The following COL28A1 variants were observed in gnomAD, a reference collection of about 807,000 sequenced individuals.
COL28A1 encodes collagen alpha-1(XXVIII) chain.
Under a neutral mutation model 150.2 loss-of-function variants are expected in COL28A1, and 161 were observed. That is an observed-to-expected ratio of 1.07 (90% CI 0.94 to 1.22). The LOEUF (loss-of-function observed/expected upper bound fraction) is 1.22. Ranked by LOEUF, COL28A1 falls within the 50% of genes most tolerant of loss-of-function variation. The pLI is 0.00. For missense variants in COL28A1, 1,617 were observed against 1,388.3 expected (o/e 1.16, Z -2.62); for synonymous variants, 552 against 469.7 (o/e 1.18, Z -2.26).
intron 18 of COL28A1, among the ~76,000 whole-genome samples, chr7:7,451,515 C>T (rs558664414): frequency 7.2e-5 from 11 of 152,126 alleles, no homozygotes; most frequent in African/African-American, 2.2e-4. Context: ...TGAGCCACTA[C>T]GCCCAGCAGA....
At chr7:7,489,219 G>A (rs558632718) in intron 13 of COL28A1, among the ~76,000 whole-genome samples, 170 bp downstream of exon 13, 3 of 152,284 alleles carry the variant, frequency 2.0e-5, no homozygotes, top group South Asian at 2.1e-4. Flanking sequence ...GCAGTGAGCC[G>A]AGATCATGCC....
intron 13 of COL28A1, among the ~76,000 whole-genome samples, chr7:7,484,398 T>C (rs1779512270): frequency 6.6e-6 from 1 of 151,982 alleles, no homozygotes; most frequent in Non-Finnish European, 1.5e-5. Context: ...ATATTTTTAC[T>C]GAAAACATCT....
rs1052341722 is a variant in COL28A1 at position 7,443,173 on chromosome 7, T to C, written c.1650+412A>G. ...TGTTATTCAACTAGCATTTCTACAG[T>C]GGTTAAAATAGATTTATGCCAAGTT... On this transcript the variant is annotated intron_variant, in intron 20 of 34. Transcript: ENST00000399429. Among the ~76,000 whole-genome samples the C allele has an allele frequency of 2.0e-5, 3 of 152,214 alleles. 1 individual carries two copies. Among genetic ancestry groups the C allele is most frequent in the Non-Finnish European group, 4.4e-5 (3 of 68,032 alleles).
chr7:7,344,016 TA>T, the COL28A1 span, among the ~76,000 whole-genome samples: 16,463 of 146,204 alleles, frequency 0.11, 961 homozygotes, highest in Middle Eastern at 0.17. Context: ...AAAATAAAAA[TA>T]AAAAAAAAAA....
Position 7,461,051 on chromosome 7 carries a change from T to G in COL28A1, c.1303-4939A>C, listed in dbSNP as rs142766099. On this transcript the variant is annotated intron_variant, in intron 15 of 34. Transcript: ENST00000399429. The stretch of plus-strand genomic sequence containing the variant: ...CTTGCTGAAGGGAATGGATTGCTCC[T>G]GCAGGACCTGGGAGACATCCCAAAT... Among the ~76,000 whole-genome samples, 293 of 152,324 alleles carry G rather than the reference T, an allele frequency of 1.9e-3. 2 individuals are homozygous for G. Among genetic ancestry groups the G allele is most frequent in the African/African-American group, 6.6e-3 (276 of 41,574 alleles).
intron 3 of COL28A1, among the ~76,000 whole-genome samples, chr7:7,530,705 A>G (rs577435126): frequency 2.0e-5 from 3 of 152,270 alleles, no homozygotes; most frequent in African/African-American, 7.2e-5. Context: ...AGAAAAGCTG[A>G]CCAGACCTAT....
intron 1 of COL28A1, among the ~76,000 whole-genome samples, chr7:7,535,371 A>G (rs80081064): frequency 0.02 from 3,079 of 152,268 alleles, 49 homozygotes; most frequent in Non-Finnish European, 0.031. Context: ...GTTTCTACAC[A>G]AATAGAAAAT....
intron 27 of COL28A1, among the ~76,000 whole-genome samples, chr7:7,390,579 C>T (rs772699194): frequency 3.9e-5 from 6 of 152,140 alleles, no homozygotes; most frequent in African/African-American, 1.2e-4. Flanking sequence ...ACCAGCTCCT[C>T]TTTGTACCTC....
intron 13 of COL28A1, among the ~76,000 whole-genome samples, chr7:7,489,152 T>C (rs182183898): frequency 1.3e-4 from 20 of 152,220 alleles, no homozygotes; most frequent in Admixed American, 8.5e-4. Context: ...GCACTTGTAG[T>C]CCCAGCTAAT....
intron 15 of COL28A1, among the ~76,000 whole-genome samples, chr7:7,472,876 A>G (rs1788550097): frequency 6.6e-6 from 1 of 152,214 alleles, no homozygotes; most frequent in Admixed American, 6.5e-5. Context: ...CATCATACTT[A>G]CAGCCAACTG....
intron 15 of COL28A1, among the ~76,000 whole-genome samples, chr7:7,472,489 G>A (rs926827072): frequency 5.3e-5 from 8 of 151,924 alleles, no homozygotes; most frequent in African/African-American, 1.9e-4. Flanking sequence ...CCTCTACAGG[G>A]AAAACTACAA....
rs1291753330 is a variant in COL28A1 at position 7,531,653 on chromosome 7, A to C, written c.376T>G (p.Leu126Val). 1.1e-5 allele frequency: 17 copies of C among 1,601,052 alleles called. No homozygotes were observed. Among genetic ancestry groups the C allele is most frequent in the Non-Finnish European group, 1.5e-5 (17 of 1,168,224 alleles). ...TFKQKVKSMNLIGQGTFSYYA... is the reference protein window; with the variant it reads ...TFKQKVKSMNVIGQGTFSYYA... ...TAAGAGAAGGTACCTTGCCCTATTA[A>C]ATTCATAGACTTGACCTTCTGCTTA... Residue 126 changes from leucine (L) to valine (V), a missense_variant, in exon 3 of 35, where the codon TTA becomes GTA. By Grantham distance (32) the Leu-to-Val change is conservative. Transcript: ENST00000399429.
intron 11 of COL28A1, among the ~76,000 whole-genome samples, chr7:7,496,920 G>T (rs1404724051): frequency 6.6e-6 from 1 of 152,082 alleles, no homozygotes; most frequent in Non-Finnish European, 1.5e-5. Context: ...TGTAGGTGCA[G>T]AATGGTTCAA....
intron 27 of COL28A1, among the ~76,000 whole-genome samples, chr7:7,416,725 T>C (rs1324001882): frequency 6.6e-6 from 1 of 152,226 alleles, no homozygotes; most frequent in Non-Finnish European, 1.5e-5. Flanking sequence ...AGACCTGCTG[T>C]AGAAGCTCTA....
At chr7:7,387,226 C>A (rs1309001407) in intron 27 of COL28A1, among the ~76,000 whole-genome samples, 2 of 152,072 alleles carry the variant, frequency 1.3e-5, no homozygotes, top group Non-Finnish European at 2.9e-5. Flanking sequence ...TTTAGAGATG[C>A]CCTACTATTT....
the COL28A1 span, among the ~76,000 whole-genome samples, chr7:7,349,897 GA>G: frequency 1.3e-5 from 2 of 152,076 alleles, no homozygotes; most frequent in Admixed American, 1.3e-4. Flanking sequence ...ATTCCAAAGG[GA>G]AATGAATAGT....
intron 27 of COL28A1, among the ~76,000 whole-genome samples, chr7:7,401,076 T>A (rs995928108): frequency 1.3e-5 from 2 of 149,696 alleles, no homozygotes; most frequent in Non-Finnish European, 3.0e-5. Flanking sequence ...AATCTAATGA[T>A]CATGTTTCAG....
upstream of COL28A1, among the ~76,000 whole-genome samples, chr7:7,536,419 G>A (rs191046863): frequency 2.6e-5 from 4 of 152,234 alleles, no homozygotes; most frequent in African/African-American, 9.6e-5. Flanking sequence ...CCCCACTTAT[G>A]AAATGAGAGA....
intron 32 of COL28A1, among the ~76,000 whole-genome samples, chr7:7,371,367 A>G (rs1353766878): frequency 6.6e-6 from 1 of 152,278 alleles, no homozygotes; most frequent in Non-Finnish European, 1.5e-5. Context: ...TATATCAGAT[A>G]AACAAACCCA....
Sources: allele counts gnomAD v4.1 joint callset (sites outside exome capture counted in the v4.1 genomes callset), GRCh38; gene constraint gnomAD v4.1.1; transcripts MANE v1.5; gene names NCBI Gene and HGNC (gene_info 2026-07-23, HGNC 2026-07-21).